CADPS2: variants seen among roughly 807,000 people sequenced by gnomAD.
CADPS2 encodes the protein calcium-dependent secretion activator 2.
CADPS2 carries 93 observed loss-of-function variants against 172.5 expected under a neutral mutation model. The ratio of observed to expected loss-of-function variants is 0.54; its 90% CI spans 0.46 to 0.64. The LOEUF (loss-of-function observed/expected upper bound fraction) is 0.64, where lower values mean the gene tolerates loss of function less well. Ranked by LOEUF, CADPS2 falls within the 30% of genes least tolerant of loss-of-function variation. The probability of loss-of-function intolerance (pLI) is 0.00; values close to 1 mark genes in which losing one functional copy is unlikely to be tolerated. For synonymous variants in CADPS2, 546 were observed against 555.2 expected (o/e 0.98, Z 0.23); for missense variants, 1,420 against 1,565.9 (o/e 0.91, Z 1.57).
intron 2 of CADPS2, among the ~76,000 whole-genome samples, chr7:122,685,407 T>G (rs909878436): frequency 2.0e-5 from 3 of 152,258 alleles, no homozygotes; most frequent in Non-Finnish European, 2.9e-5. Flanking sequence ...CTTCAAGCGT[T>G]TGATGGCAGC....
At chr7:122,404,193 T>C (rs898800602) in intron 20 of CADPS2, among the ~76,000 whole-genome samples, 5 of 152,016 alleles carry the variant, frequency 3.3e-5, no homozygotes, top group African/African-American at 7.2e-5. Flanking sequence ...CTTCCTGTGT[T>C]CATGTGTTCT....
At chr7:122,749,008 T>C (rs1235740209) in intron 1 of CADPS2, among the ~76,000 whole-genome samples, 1 of 152,132 alleles carries the variant, frequency 6.6e-6, no homozygotes, top group Non-Finnish European at 1.5e-5. Context: ...ATTCTCCACA[T>C]GCTAGCTTTT....
rs1410319295 is a variant in CADPS2, at chr7:122,737,011, C to G, written c.397G>C (p.Glu133Gln). The G allele has an allele frequency of 4.3e-6, 7 of 1,612,782 alleles. No individual in the cohort carries two copies. The highest frequency in any genetic ancestry group is 5.9e-6 in the Non-Finnish European group (7 of 1,178,962). ...KERFQAFLNG[E>Q]TQIVADEAFC... ...GCTTCGTCAGCTACAATTTGGGTTT[C>G]CCCATTGAGGAAGGCCTGGAACCGT... The change falls in exon 2 of 30, where the codon GAA (glutamate) becomes CAA (glutamine). Residue 133 changes from glutamate (E) to glutamine (Q), a missense_variant. By Grantham distance (29) the Glu-to-Gln change is conservative. Transcript: ENST00000449022.
intron 2 of CADPS2, among the ~76,000 whole-genome samples, chr7:122,692,428 G>A (rs190383971): frequency 1.5e-4 from 23 of 152,300 alleles, no homozygotes; most frequent in Non-Finnish European, 2.5e-4. Flanking sequence ...AGTTACAAAC[G>A]CCCATGTGAC....
chr7:122,501,729 G>T (rs949951015), intron 9 of CADPS2, among the ~76,000 whole-genome samples: 9 of 151,702 alleles, frequency 5.9e-5, no homozygotes, highest in Non-Finnish European at 2.9e-5. Flanking sequence ...CAAAAAATTA[G>T]CCAGGCGTGG....
At chr7:122,780,589 A>G (rs765860087) in intron 1 of CADPS2, among the ~76,000 whole-genome samples, 10 of 152,046 alleles carry the variant, frequency 6.6e-5, no homozygotes, top group Non-Finnish European at 2.9e-5. Context: ...CTCTATCTAG[A>G]GTGCAGCCTC....
intron 11 of CADPS2, among the ~76,000 whole-genome samples, chr7:122,483,715 A>G (rs2057528174): frequency 6.6e-6 from 1 of 152,162 alleles, no homozygotes; most frequent in African/African-American, 2.4e-5. Flanking sequence ...GCAAAAGCCA[A>G]GAGAGGAGAA....
intron 3 of CADPS2, among the ~76,000 whole-genome samples, chr7:122,643,692 A>C (rs1290411283): frequency 6.6e-6 from 1 of 152,002 alleles, no homozygotes; most frequent in African/African-American, 2.4e-5. Context: ...GGGAAGAGAA[A>C]GGAGGGAGAA....
intron 2 of CADPS2, among the ~76,000 whole-genome samples, chr7:122,718,404 A>G (rs141758250): frequency 6.6e-6 from 1 of 151,994 alleles, no homozygotes; most frequent in Admixed American, 6.6e-5. Flanking sequence ...AGAGAAGTAG[A>G]AAGAGGGAGG....
intron 8 of CADPS2, among the ~76,000 whole-genome samples, chr7:122,521,790 G>A (rs1367794089): frequency 2.0e-5 from 3 of 151,988 alleles, no homozygotes; most frequent in African/African-American, 4.8e-5. Context: ...AAAACATAGA[G>A]TTCTTCACTT....
chr7:122,620,265 T>A (rs34458584), intron 5 of CADPS2, among the ~76,000 whole-genome samples: 5,583 of 152,262 alleles, frequency 0.037, 190 homozygotes, highest in Non-Finnish European at 0.051. Context: ...AATTAAAGTG[T>A]CACATTGTTA....
chr7:122,858,693 T>C (rs1348101853), intron 1 of CADPS2, among the ~76,000 whole-genome samples: 3 of 152,214 alleles, frequency 2.0e-5, no homozygotes, highest in Non-Finnish European at 4.4e-5. Context: ...ACACGTTATA[T>C]ATAGTTGACA....
chr7:122,789,085 T>C (rs1235986784), intron 1 of CADPS2, among the ~76,000 whole-genome samples: 1 of 152,022 alleles, frequency 6.6e-6, no homozygotes, highest in Admixed American at 6.6e-5. Context: ...GCAGAGGAAA[T>C]GGTAATGGTT....
intron 8 of CADPS2, among the ~76,000 whole-genome samples, chr7:122,553,190 A>C (rs748624291): frequency 6.6e-6 from 1 of 152,112 alleles, no homozygotes. Context: ...TATCACTATC[A>C]TAATTATTTG....
chr7:122,620,937 C>T (rs1319740822), intron 5 of CADPS2, among the ~76,000 whole-genome samples: 1 of 152,098 alleles, frequency 6.6e-6, no homozygotes, highest in African/African-American at 2.4e-5. Context: ...GACAGGGTCT[C>T]ACTCTGTCAG....
intron 1 of CADPS2, among the ~76,000 whole-genome samples, chr7:122,861,738 C>T (rs777373057): frequency 1.1e-4 from 16 of 152,218 alleles, no homozygotes; most frequent in Non-Finnish European, 1.8e-4. Flanking sequence ...TGCTCAGATT[C>T]GATCATTACG....
At chr7:122,373,986 G>T (rs896027127) in intron 25 of CADPS2, among the ~76,000 whole-genome samples, 4 of 151,926 alleles carry the variant, frequency 2.6e-5, no homozygotes, top group African/African-American at 7.3e-5. Context: ...AGATAAACAT[G>T]GATACAAAAA....
Position 122,500,606 on chromosome 7 carries a change from T to C in CADPS2, c.1543-9186A>G, listed in dbSNP as rs575256263. ...GTTACGGACACAGATGTCAGAGCCATGGAGAAACCAGGCTTACCCTTTCAG... is the reference window on the plus strand; with the variant it reads ...GTTACGGACACAGATGTCAGAGCCACGGAGAAACCAGGCTTACCCTTTCAG... On this transcript the variant is annotated intron_variant, in intron 9 of 29. Transcript: ENST00000449022. Among the ~76,000 whole-genome samples, 262 of 152,246 alleles carry C rather than the reference T, an allele frequency of 1.7e-3. 1 individual carries two copies. Among genetic ancestry groups the C allele is most frequent in the Non-Finnish European group, 2.9e-3 (195 of 68,008 alleles).
chr7:122,440,173 A>T (rs1249467662), intron 16 of CADPS2: 1 of 152,212 alleles, frequency 6.6e-6, no homozygotes, highest in Non-Finnish European at 1.5e-5. Context: ...AGATGTGATC[A>T]GTGACTATAA....
Sources: allele counts gnomAD v4.1 joint callset (sites outside exome capture counted in the v4.1 genomes callset), GRCh38; gene constraint gnomAD v4.1.1; transcripts MANE v1.5; gene names NCBI Gene and HGNC (gene_info 2026-07-23, HGNC 2026-07-21).